The following ADAMTSL2 variants were observed in gnomAD, a reference collection of about 807,000 sequenced individuals.
ADAMTSL2 encodes the protein ADAMTS-like protein 2.
A neutral mutation model predicts 117.0 loss-of-function variants in ADAMTSL2; 55 were observed. That is an observed-to-expected ratio of 0.47 (90% CI 0.38 to 0.59). The LOEUF (loss-of-function observed/expected upper bound fraction) is 0.59. Ranked by LOEUF, ADAMTSL2 falls within the 20% of genes least tolerant of loss-of-function variation. The pLI, the probability that ADAMTSL2 is intolerant of heterozygous loss-of-function variation, is 0.00. For missense variants in ADAMTSL2, 1,182 were observed against 1,354.5 expected (o/e 0.87, Z 2.00); for synonymous variants, 572 against 566.4 (o/e 1.01, Z -0.14).
chr9:133,559,571 C>G (rs2131150298), intron 11 of ADAMTSL2, among the ~76,000 whole-genome samples: 1 of 149,782 alleles, frequency 6.7e-6, no homozygotes, highest in South Asian at 2.1e-4. Flanking sequence ...CCAGGATGGT[C>G]TCGATCTCCT....
chr9:133,552,107 C>T lies in ADAMTSL2; in HGVS notation c.940-2250C>T, dbSNP rs1015910344. 2.0e-5 allele frequency among the ~76,000 whole-genome samples: 3 copies of T among 152,158 alleles called. No individual in the cohort carries two copies. The East Asian group carries it at 5.8e-4, about 29-fold the overall frequency. On this transcript the variant is annotated intron_variant, in intron 9 of 18. Coordinates refer to ENST00000651351, the MANE Select transcript of ADAMTSL2 (RefSeq NM_014694.4). ...CCTCCCAAAGTGCTGGGATTACAGGCGTGAGCCACCGCACCTGGCCAGCAG... is the reference window on the plus strand; with the variant it reads ...CCTCCCAAAGTGCTGGGATTACAGGTGTGAGCCACCGCACCTGGCCAGCAG...
In ADAMTSL2 at chr9:133,558,241, A is replaced by G. The variant is rs1047964557; in HGVS notation, c.1649+2311A>G. On this transcript the variant is annotated intron_variant, in intron 11 of 18. Coordinates refer to ENST00000651351, the MANE Select transcript of ADAMTSL2 (RefSeq NM_014694.4). The surrounding 1 kb of genome is among the most constrained non-coding windows in gnomAD (Gnocchi z 4.3). The stretch of plus-strand genomic sequence containing the variant: ...TGCTCCCCCGGCCGGCCTGCCATCA[A>G]AGGATGCTGCCGCACAGGGACCAAA... Among the ~76,000 whole-genome samples, 8 of 152,154 alleles carry G rather than the reference A, an allele frequency of 5.3e-5. No individual in the cohort carries two copies. The highest frequency in any genetic ancestry group is 1.2e-4 in the Non-Finnish European group (8 of 68,032).
chr9:133,561,350 C>A, intron 12 of ADAMTSL2, 55 bp downstream of exon 12: 3 of 1,471,160 alleles, frequency 2.0e-6, no homozygotes, highest in African/African-American at 1.4e-5. Flanking sequence ...TTTCCATGGA[C>A]ATGGGCTGGG....
intron 14 of ADAMTSL2, 23 bp downstream of exon 14, chr9:133,568,509 C>G (rs1012134273): frequency 5.5e-5 from 87 of 1,585,328 alleles, no homozygotes; most frequent in Non-Finnish European, 7.3e-5. Flanking sequence ...GGGAGCAAGC[C>G]GGGGGTCGGG....
chr9:133,553,012 G>A (rs1277379469), intron 9 of ADAMTSL2, among the ~76,000 whole-genome samples: 1 of 152,182 alleles, frequency 6.6e-6, no homozygotes, highest in Non-Finnish European at 1.5e-5. Flanking sequence ...CCCTGACTGG[G>A]CGAGAATGTG....
At chr9:133,552,179 A>G (rs1367689648) in intron 9 of ADAMTSL2, among the ~76,000 whole-genome samples, 1 of 152,164 alleles carries the variant, frequency 6.6e-6, no homozygotes, top group African/African-American at 2.4e-5. Context: ...ATATTCTTGG[A>G]TGTGGAATAT....
chr9:133,561,497 C>T (rs962650625), intron 12 of ADAMTSL2, among the ~76,000 whole-genome samples: 66 of 151,094 alleles, frequency 4.4e-4, no homozygotes, highest in Non-Finnish European at 7.0e-4. Flanking sequence ...TCACAGTGTG[C>T]TAGACCATGG....
At chr9:133,556,732 G>C (rs986737529) in intron 11 of ADAMTSL2, among the ~76,000 whole-genome samples, 22 of 152,226 alleles carry the variant, frequency 1.4e-4, no homozygotes, top group Non-Finnish European at 2.6e-4. Context: ...CACAGCTGGG[G>C]ACGCCTGGGC....
chr9:133,550,490 A>G (rs561388181), intron 9 of ADAMTSL2, among the ~76,000 whole-genome samples: 1 of 152,206 alleles, frequency 6.6e-6, no homozygotes, highest in South Asian at 2.1e-4. Context: ...TGTCCCATTC[A>G]ATCAAATACT....
At chr9:133,572,108 G>A (rs1397086337) in intron 17 of ADAMTSL2, among the ~76,000 whole-genome samples, 2 of 152,252 alleles carry the variant, frequency 1.3e-5, no homozygotes, top group Non-Finnish European at 1.5e-5. Context: ...TCCAGGCCCC[G>A]GGCCCTTGCC....
intron 1 of ADAMTSL2, 141 bp from the exon 2 acceptor site, chr9:133,536,422 A>G: frequency 8.0e-7 from 1 of 1,243,058 alleles, no homozygotes; most frequent in Non-Finnish European, 1.1e-6. Flanking sequence ...GCTTCCCTGC[A>G]TGCCCTTGGA....
Position 133,540,626 on chromosome 9 carries a change from G to C in ADAMTSL2, c.441G>C (p.Pro147=). The C allele has an allele frequency of 6.2e-7, 1 of 1,613,630 alleles. No individual in the cohort carries two copies. Among genetic ancestry groups the C allele is most frequent in the Non-Finnish European group, 8.5e-7 (1 of 1,180,028 alleles). The stretch of plus-strand genomic sequence containing the variant: ...ACTATGTCCACATCTCCAGCAAACC[G>C]TGTGACCTGCACTGTACCACCGTGG... ...PDDYVHISSK[P]CDLHCTTVDG... The change falls in exon 6 of 19, where the codon CCG becomes CCC. Residue 147 remains proline (P), a synonymous_variant. Transcript: ENST00000651351.
At position 133,536,603 on chromosome 9, in the gene ADAMTSL2, T is replaced by G. The variant is rs1454815604; in HGVS notation, c.-110T>G. The stretch of plus-strand genomic sequence containing the variant: ...CACGACCAACTAGTCCCAGATAACC[T>G]TGAGGCCTGGGCACTGGCTGGGCCC... On this transcript the variant is annotated 5_prime_UTR_variant, in exon 2 of 19. Coordinates refer to ENST00000651351, the MANE Select transcript of ADAMTSL2 (RefSeq NM_014694.4). The G allele has an allele frequency of 1.2e-6, 2 of 1,611,698 alleles. No homozygotes were observed. The highest frequency in any genetic ancestry group is 1.7e-6 in the Non-Finnish European group (2 of 1,178,926).
At chr9:133,533,441 C>T (rs149880321), upstream of ADAMTSL2, among the ~76,000 whole-genome samples, 401 of 152,304 alleles carry the variant, frequency 2.6e-3, 2 homozygotes, top group African/African-American at 9.1e-3. Context: ...CACTCAGGAG[C>T]GCTGGCATCC....
rs1204330448 is a variant in ADAMTSL2, at chr9:133,536,590, G to A, written c.-123G>A. ...TCTGCCAGACAACCACGACCAACTA[G>A]TCCCAGATAACCTTGAGGCCTGGGC... On this transcript the variant is annotated 5_prime_UTR_variant, in exon 2 of 19. Coordinates refer to ENST00000651351, the MANE Select transcript of ADAMTSL2 (RefSeq NM_014694.4). 6.2e-7 allele frequency: 1 copy of A among 1,606,304 alleles called. No homozygotes were observed. Among genetic ancestry groups the A allele is most frequent in the South Asian group, 1.1e-5 (1 of 90,214 alleles).
chr9:133,533,163 CTGTGTGTGTGTGTGTG>C (rs71378583), upstream of ADAMTSL2, among the ~76,000 whole-genome samples: 5 of 148,164 alleles, frequency 3.4e-5, no homozygotes, highest in African/African-American at 1.0e-4. Context: ...GTGTGTGTGC[CTGTGTGTGTGTGTGTG>C]TGTGTGTGTG....
At chr9:133,552,123 T>A (rs1473215299) in intron 9 of ADAMTSL2, among the ~76,000 whole-genome samples, 1 of 152,176 alleles carries the variant, frequency 6.6e-6, no homozygotes, top group Non-Finnish European at 1.5e-5. Flanking sequence ...CCACCGCACC[T>A]GGCCAGCAGC....
Position 133,536,745 on chromosome 9 carries a change from C to G in ADAMTSL2, c.33C>G (p.Ala11=), listed in dbSNP as rs756148714. The G allele has an allele frequency of 3.1e-6, 5 of 1,614,100 alleles. No homozygotes were observed. In the South Asian group the frequency reaches 5.5e-5, roughly 18 times the overall value. The part of the protein sequence containing the change: MDGRWQCSCW[A]WFLLVLAVVA... ...GCAGATGGCAATGTTCCTGCTGGGCCTGGTTCCTGCTGGTTCTGGCAGTTG... is the reference window on the plus strand; with the variant it reads ...GCAGATGGCAATGTTCCTGCTGGGCGTGGTTCCTGCTGGTTCTGGCAGTTG... The change falls in exon 2 of 19, where the codon GCC becomes GCG. Residue 11 remains alanine, a synonymous_variant. Coordinates refer to ENST00000651351, the MANE Select transcript of ADAMTSL2 (RefSeq NM_014694.4).
At chr9:133,547,356 G>A in intron 9 of ADAMTSL2, 143 bp downstream of exon 9, 1 of 764,796 alleles carries the variant, frequency 1.3e-6, no homozygotes, top group Non-Finnish European at 2.1e-6. Flanking sequence ...CTCTGCGTGG[G>A]CTGGGGCTTC....
Sources: gnomAD v4.1 joint callset for allele counts (sites outside exome capture counted in the v4.1 genomes callset) on GRCh38, gnomAD v4.1.1 for gene constraint, Gnocchi (gnomAD v3.1) non-coding constraint, MANE v1.5 for transcripts, NCBI Gene and HGNC (gene_info 2026-07-23, HGNC 2026-07-21) for gene names.